Variants in SULT1B1 observed in about 807,000 individuals in gnomAD.
SULT1B1 encodes sulfotransferase family 1B member 1.
Under a neutral mutation model 34.6 loss-of-function variants are expected in SULT1B1, and 28 were observed. That is an observed-to-expected ratio of 0.81 (90% CI 0.60 to 1.11). The LOEUF (loss-of-function observed/expected upper bound fraction) is 1.11. Among genes scored for constraint, SULT1B1 ranks in the 50% least tolerant of loss-of-function variants. The pLI is 0.00. For synonymous variants in SULT1B1, 147 were observed against 110.2 expected (o/e 1.33, Z -2.09); for missense variants, 374 against 352.2 (o/e 1.06, Z -0.50).
chr4:69,757,153 T>C (rs1168805411), intron 1 of SULT1B1, among the ~76,000 whole-genome samples: 1 of 152,220 alleles, frequency 6.6e-6, no homozygotes, highest in Admixed American at 6.5e-5. Context: ...ATAATGTTTT[T>C]TCATTTTACA....
intron 3 of SULT1B1, 92 bp from the exon 4 acceptor site, chr4:69,749,910 G>A (rs1718913458): frequency 1.1e-6 from 1 of 886,678 alleles, no homozygotes; most frequent in East Asian, 2.5e-5. Flanking sequence ...AGACATTTTT[G>A]AGCATTATGT....
chr4:69,727,542 A>T (rs1717884923), intron 7 of SULT1B1, among the ~76,000 whole-genome samples: 2 of 151,238 alleles, frequency 1.3e-5, no homozygotes, highest in African/African-American at 4.9e-5. Context: ...TGAGATTATC[A>T]CTGAGCACTT....
chr4:69,758,920 G>A (rs1412570110), intron 1 of SULT1B1, among the ~76,000 whole-genome samples: 3 of 152,064 alleles, frequency 2.0e-5, no homozygotes, highest in Admixed American at 6.5e-5. Flanking sequence ...TGGCCTTAAC[G>A]GAGAGCTTGT....
intron 1 of SULT1B1, chr4:69,758,154 G>A (rs1013891327): frequency 1.2e-5 from 3 of 257,644 alleles, no homozygotes; most frequent in African/African-American, 4.6e-5. Context: ...GCTCAAGAAA[G>A]GAACAATTAA....
At chr4:69,744,133 C>T (rs545697272) in intron 4 of SULT1B1, among the ~76,000 whole-genome samples, 1 of 152,256 alleles carries the variant, frequency 6.6e-6, no homozygotes, top group Non-Finnish European at 1.5e-5. Flanking sequence ...CCCTCTATGC[C>T]CTTCCCTCCA....
chr4:69,753,913 T>C (rs1421458085), intron 3 of SULT1B1, among the ~76,000 whole-genome samples: 3 of 152,192 alleles, frequency 2.0e-5, no homozygotes, highest in Non-Finnish European at 4.4e-5. Context: ...TGTTTCTATA[T>C]CTCAAGTCTG....
chr4:69,755,421 C>T (rs927121558), intron 1 of SULT1B1, among the ~76,000 whole-genome samples, 160 bp from the exon 2 acceptor site: 1 of 152,112 alleles, frequency 6.6e-6, no homozygotes, highest in Non-Finnish European at 1.5e-5. Context: ...CAGTAGATTG[C>T]AAGAGCAGTA....
In SULT1B1 at chr4:69,724,409, A is replaced by G. The variant is rs1321673745; in HGVS notation, c.*2679T>C. ...ATAGAAGAACATTCCATGCTCATGGATAGGAAGAATCAATATCATGAAAAT... is the reference window on the plus strand; with the variant it reads ...ATAGAAGAACATTCCATGCTCATGGGTAGGAAGAATCAATATCATGAAAAT... On this transcript the variant is annotated 3_prime_UTR_variant, in exon 8 of 8. Coordinates refer to ENST00000310613, the MANE Select transcript of SULT1B1 (RefSeq NM_014465.4). 3 of 152,220 alleles carry G rather than the reference A, an allele frequency of 2.0e-5. No individual in the cohort carries two copies. The highest frequency in any genetic ancestry group is 1.3e-4 in the Admixed American group (2 of 15,258). 9.4% of individuals were successfully genotyped at this position (152,220 alleles called of 1,614,324 possible). A position where few individuals can be genotyped will look rare whatever the true frequency, so the allele number is the denominator to read the frequency against.
rs183559718 is a variant in SULT1B1 at position 69,743,176 on chromosome 4, G to A, written c.375+6545C>T. ...AGCCCTTTCAGTTCTGCCATGCAGC[G>A]GGTCTCAAGTTCTTGTCCTGCATTC... On this transcript the variant is annotated intron_variant, in intron 4 of 7. Coordinates refer to ENST00000310613, the MANE Select transcript of SULT1B1 (RefSeq NM_014465.4). 1.0e-3 allele frequency among the ~76,000 whole-genome samples: 153 copies of A among 152,272 alleles called. 1 individual carries two copies. Among genetic ancestry groups the A allele is most frequent in the African/African-American group, 3.2e-3 (133 of 41,550 alleles).
At position 69,726,330 on chromosome 4, in the gene SULT1B1, C is replaced by T. The variant is rs2057643297; in HGVS notation, c.*758G>A. The T allele has an allele frequency of 6.6e-6, 1 of 151,500 alleles. No individual in the cohort carries two copies. The highest frequency in any genetic ancestry group is 2.4e-5 in the African/African-American group (1 of 41,266). The allele number at this position is 151,500 out of a possible 1,614,324, so 9.4% of individuals were successfully genotyped here. A position where few individuals can be genotyped will look rare whatever the true frequency, so the allele number is the denominator to read the frequency against. On this transcript the variant is annotated 3_prime_UTR_variant, in exon 8 of 8. Transcript: ENST00000310613. ...TGAAGTTCCCAAATGGTGACCAGAA[C>T]ACAGCAGTAGGTGATTTCTCTGAAG...
At chr4:69,736,954 C>G (rs1718343556) in intron 4 of SULT1B1, among the ~76,000 whole-genome samples, 1 of 151,188 alleles carries the variant, frequency 6.6e-6, no homozygotes, top group Non-Finnish European at 1.5e-5. Context: ...AATTGGTGAC[C>G]AAAAACTTCC....
chr4:69,755,118 A>G lies in SULT1B1; in HGVS notation c.100T>C (p.Phe34Leu). Residue 34 changes from phenylalanine (F) to leucine (L), a missense_variant, in exon 2 of 8, where the codon TTC (phenylalanine) becomes CTC (leucine). Physicochemically the swap from Phe to Leu is conservative, Grantham distance 22 (BLOSUM62 0). Coordinates refer to ENST00000310613, the MANE Select transcript of SULT1B1 (RefSeq NM_014465.4). ...FASNWEKIEQ[F>L]HSRPDDIVIA... ...ACAATGTCATCTGGTCTGCTATGGA[A>G]CTGTTCAATTTTTTCCCAGTTGCTT... 6.2e-7 allele frequency: 1 copy of G among 1,613,932 alleles called. No individual in the cohort carries two copies. The highest frequency in any genetic ancestry group is 2.2e-5 in the East Asian group (1 of 44,858).
At chr4:69,756,960 GAC>G (rs3076390) in intron 1 of SULT1B1, among the ~76,000 whole-genome samples, 9 of 147,860 alleles carry the variant, frequency 6.1e-5, no homozygotes, top group Non-Finnish European at 7.5e-5. Flanking sequence ...CACCCTCACA[GAC>G]ACACACACAC....
rs1442808740 is a variant in SULT1B1, at chr4:69,723,312, A to G, written c.*3776T>C. The G allele has an allele frequency of 6.6e-6, 1 of 152,220 alleles. No individual in the cohort carries two copies. Among genetic ancestry groups the G allele is most frequent in the African/African-American group, 2.4e-5 (1 of 41,438 alleles). The allele number at this position is 152,220 out of a possible 1,614,324, so 9.4% of individuals were successfully genotyped here. On this transcript the variant is annotated 3_prime_UTR_variant, in exon 8 of 8. Coordinates refer to ENST00000310613, the MANE Select transcript of SULT1B1 (RefSeq NM_014465.4). Reference sequence around the variant, plus strand: ...AATTCCTCGACACATACACCCTCCCAAGAATAAACCAGGAAGAAGTTGAAT... The same window carrying G: ...AATTCCTCGACACATACACCCTCCCGAGAATAAACCAGGAAGAAGTTGAAT...
chr4:69,724,737 C>A lies in SULT1B1; in HGVS notation c.*2351G>T, dbSNP rs1342165490. The A allele has an allele frequency of 2.0e-5, 3 of 152,228 alleles. No homozygotes were observed. Among genetic ancestry groups the A allele is most frequent in the African/African-American group, 7.2e-5 (3 of 41,456 alleles). 9.4% of individuals were successfully genotyped at this position (152,228 alleles called of 1,614,324 possible). ...TACTACACATCTACAATTATCTGAT[C>A]TTTGACAAACCTGACGAAAACAAGC... is the stretch of plus-strand genomic sequence containing the variant. On this transcript the variant is annotated 3_prime_UTR_variant, in exon 8 of 8. Coordinates refer to ENST00000310613, the MANE Select transcript of SULT1B1 (RefSeq NM_014465.4).
chr4:69,723,197 C>T lies in SULT1B1; in HGVS notation c.*3891G>A, dbSNP rs1717707883. The T allele has an allele frequency of 6.6e-6, 1 of 152,046 alleles. No homozygotes were observed. The highest frequency in any genetic ancestry group is 3.4e-3 in the Middle Eastern group (1 of 294). 9.4% of individuals were successfully genotyped at this position (152,046 alleles called of 1,614,324 possible). A position where few individuals can be genotyped will look rare whatever the true frequency, so the allele number is the denominator to read the frequency against. ...AAAAAAGATAAAGGGGATATCACCA[C>T]CGATGATCCCACAGAAATACAAACT... On this transcript the variant is annotated 3_prime_UTR_variant, in exon 8 of 8. Transcript: ENST00000310613.
rs1718904078 is a variant in SULT1B1 at position 69,749,760 on chromosome 4, A to G, written c.336T>C (p.Thr112=). The change falls in exon 4 of 8, where the codon ACT becomes ACC. Residue 112 remains threonine, a synonymous_variant. Transcript: ENST00000310613. ...CCCAGAAAGATTTAGGAAGAAGATC[A>G]GTCGGTAGATGTGTTTTCACAATCC... is the stretch of plus-strand genomic sequence containing the variant. ...SPRIVKTHLP[T]DLLPKSFWEN... is the part of the protein sequence containing the mutation. The G allele has an allele frequency of 3.7e-6, 6 of 1,613,590 alleles. No individual in the cohort carries two copies. In the African/African-American group the frequency reaches 4.0e-5, roughly 11 times the overall value.
intron 1 of SULT1B1, chr4:69,758,346 T>C (rs1018838539): frequency 1.0e-6 from 1 of 985,394 alleles, no homozygotes; most frequent in African/African-American, 1.7e-5. Flanking sequence ...CCTTCTCAGT[T>C]TGGATATAAA....
At chr4:69,754,917 A>G (rs778239618) in intron 2 of SULT1B1, 119 bp from the exon 3 acceptor site, 5 of 1,268,576 alleles carry the variant, frequency 3.9e-6, no homozygotes, top group Non-Finnish European at 5.5e-6. Context: ...TCCCCTTTCT[A>G]TGCACCAAAT....
Sources: allele counts gnomAD v4.1 joint callset (sites outside exome capture counted in the v4.1 genomes callset), GRCh38; gene constraint gnomAD v4.1.1; transcripts MANE v1.5; gene names NCBI Gene and HGNC (gene_info 2026-07-23, HGNC 2026-07-21).